DNAAF5: variants seen among roughly 807,000 people sequenced by gnomAD.
DNAAF5 encodes dynein axonemal assembly factor 5.
DNAAF5 carries 64 observed loss-of-function variants against 75.8 expected under a neutral mutation model. The ratio of observed to expected loss-of-function variants is 0.84; its 90% CI spans 0.69 to 1.04. DNAAF5 has a LOEUF of 1.04. Ranked by LOEUF, DNAAF5 falls within the 50% of genes least tolerant of loss-of-function variation. The pLI, the probability that DNAAF5 is intolerant of heterozygous loss-of-function variation, is 0.00. For missense variants in DNAAF5, 1,269 were observed against 1,178.5 expected, an observed-to-expected ratio of 1.08 and a Z score of -1.12; for synonymous variants, 657 against 557.2, an observed-to-expected ratio of 1.18 and a Z score of -2.52.
rs530721854 is a variant in DNAAF5, at chr7:774,327, C to T, written c.2082+129C>T. ...GCACCTCCACCTGGGGCCCGTACCC[C>T]AAGAGGCTCTCCCCACACTGGCGGC... On this transcript the variant is annotated intron_variant, in intron 10 of 12. Coordinates refer to ENST00000297440, the MANE Select transcript of DNAAF5 (RefSeq NM_017802.4). The T allele has an allele frequency of 1.7e-5, 17 of 981,600 alleles. No homozygotes were observed. In the Admixed American group the frequency reaches 3.5e-4, roughly 20 times the overall value. 60.8% of individuals were successfully genotyped at this position (981,600 alleles called of 1,614,324 possible).
intron 4 of DNAAF5, among the ~76,000 whole-genome samples, chr7:744,672 G>A (rs1280780407): frequency 6.6e-6 from 1 of 152,260 alleles, no homozygotes; most frequent in Non-Finnish European, 1.5e-5. Context: ...TGGAGAGGAT[G>A]TGGAGAAATA....
rs901408237 is a variant in DNAAF5 at position 763,497 on chromosome 7, C to T, written c.1615-309C>T. Among the ~76,000 whole-genome samples the T allele has an allele frequency of 4.6e-5, 7 of 152,346 alleles. No homozygotes were observed. The East Asian group carries it at 1.4e-3, about 29-fold the overall frequency. The stretch of plus-strand genomic sequence containing the variant: ...CTCAGAGGAGCCCTGCCTGCCCAGG[C>T]GGACACCACGTCCGTGTAAGCCCCA... On this transcript the variant is annotated intron_variant, in intron 7 of 12. Transcript: ENST00000297440.
intron 2 of DNAAF5, among the ~76,000 whole-genome samples, chr7:740,467 CTT>C (rs1487969573): frequency 6.6e-6 from 1 of 152,222 alleles, no homozygotes; most frequent in Admixed American, 6.5e-5. Context: ...ATGCAGAAGA[CTT>C]TGAACACGCT....
Position 774,201 on chromosome 7 carries a change from A to C in DNAAF5, c.2082+3A>C. Reference sequence around the variant, plus strand: ...GCGAGGTCCTGTCGGCAGAGCAGGTACGGGGCTCCCTGCGTGCTCGGTGGA... The same window carrying C: ...GCGAGGTCCTGTCGGCAGAGCAGGTCCGGGGCTCCCTGCGTGCTCGGTGGA... On this transcript the variant is annotated splice_donor_region_variant and intron_variant, in intron 10 of 12. Coordinates refer to ENST00000297440, the MANE Select transcript of DNAAF5 (RefSeq NM_017802.4). The C allele has an allele frequency of 1.9e-6, 3 of 1,602,990 alleles. No homozygotes were observed. Among genetic ancestry groups the C allele is most frequent in the Non-Finnish European group, 2.5e-6 (3 of 1,177,492 alleles).
rs74468583 is a variant in DNAAF5 at position 773,976 on chromosome 7, A to T, written c.1932-72A>T. 4.4e-4 allele frequency: 691 copies of T among 1,573,324 alleles called. 3 individuals are homozygous for T. The African/African-American group carries it at 8.3e-3, about 19-fold the overall frequency. ...TTTGGCTCCCCCCTCAGCCCCATTC[A>T]TCCCTAGTCTGAAACGTTTCTTCCG... is the stretch of plus-strand genomic sequence containing the variant. On this transcript the variant is annotated intron_variant, in intron 9 of 12. Transcript: ENST00000297440.
Position 780,087 on chromosome 7 carries a change from C to G in DNAAF5, c.2374C>G (p.Arg792Gly), listed in dbSNP as rs1216182303. The G allele has an allele frequency of 1.2e-6, 2 of 1,614,194 alleles. No individual in the cohort carries two copies. The highest frequency in any genetic ancestry group is 1.7e-6 in the Non-Finnish European group (2 of 1,180,014). ...YYQSSVQYLY[R>G]ELLVHLDDPE... ...TCAGAGCAGTGTCCAGTACCTGTAC[C>G]GAGAGTTGCTGGTTCACCTTGACGA... The change falls in exon 12 of 13, where the codon CGA becomes GGA. Residue 792 changes from arginine (R) to glycine (G), a missense_variant. Arg to Gly is a moderately radical substitution (Grantham distance 125, BLOSUM62 -2). Coordinates refer to ENST00000297440, the MANE Select transcript of DNAAF5 (RefSeq NM_017802.4).
chr7:738,366 A>G (rs753985617), intron 2 of DNAAF5, among the ~76,000 whole-genome samples: 1 of 152,018 alleles, frequency 6.6e-6, no homozygotes, highest in Non-Finnish European at 1.5e-5. Flanking sequence ...AGCTATTTTG[A>G]GTTTTCTGTC....
At position 761,783 on chromosome 7, in the gene DNAAF5, G is replaced by A. The variant is rs748486272; in HGVS notation, c.1501G>A (p.Val501Met). Residue 501 changes from valine (V) to methionine (M), a missense_variant, in exon 7 of 13, where the codon GTG becomes ATG. By Grantham distance (21) the Val-to-Met change is conservative. Transcript: ENST00000297440. ...DLYLERLLLC[V>M]QALVSVCHED... is the part of the protein sequence containing the mutation. ...CTACCTGGAGCGCCTGCTGCTGTGT[G>A]TGCAGGCTCTGGTGTCTGTGTGTCA... 3.1e-6 allele frequency: 5 copies of A among 1,609,040 alleles called. No individual in the cohort carries two copies. The highest frequency in any genetic ancestry group is 3.4e-6 in the Non-Finnish European group (4 of 1,177,854).
chr7:726,743 A>C lies in DNAAF5; in HGVS notation c.23A>C (p.Glu8Ala), dbSNP rs1562368980. The C allele has an allele frequency of 4.8e-6, 6 of 1,244,648 alleles. No individual in the cohort carries two copies. The highest frequency in any genetic ancestry group is 6.0e-6 in the Non-Finnish European group (6 of 995,646). The allele number at this position is 1,244,648 out of a possible 1,614,324, so 77.1% of individuals were successfully genotyped here. A position where few individuals can be genotyped will look rare whatever the true frequency, so the allele number is the denominator to read the frequency against. MAALGVAEAVAAPHPAEG... is the reference protein window; with the variant it reads MAALGVAAAVAAPHPAEG... ...AAGATGGCGGCGCTGGGGGTGGCGGAGGCCGTGGCGGCCCCACACCCGGCT... is the reference window on the plus strand; with the variant it reads ...AAGATGGCGGCGCTGGGGGTGGCGGCGGCCGTGGCGGCCCCACACCCGGCT... Residue 8 changes from glutamate (E) to alanine (A), a missense_variant, in exon 1 of 13, where the codon GAG becomes GCG. Coordinates refer to ENST00000297440, the MANE Select transcript of DNAAF5 (RefSeq NM_017802.4).
At chr7:755,840 A>G (rs1355959281) in intron 5 of DNAAF5, among the ~76,000 whole-genome samples, 4 of 152,250 alleles carry the variant, frequency 2.6e-5, no homozygotes, top group Non-Finnish European at 4.4e-5. Flanking sequence ...CGTGAATTTA[A>G]AATTGTCTGT....
intron 8 of DNAAF5, among the ~76,000 whole-genome samples, chr7:768,062 G>T (rs1002680895): frequency 2.7e-5 from 4 of 149,748 alleles, no homozygotes; most frequent in Admixed American, 6.6e-5. Flanking sequence ...ACGTGGTCCG[G>T]GCGGAAGTGT....
chr7:741,069 G>C, intron 3 of DNAAF5, 126 bp downstream of exon 3: 1 of 1,174,266 alleles, frequency 8.5e-7, no homozygotes, highest in Non-Finnish European at 1.2e-6. Flanking sequence ...GCTCCGAAGG[G>C]ATGTGCCGTA....
chr7:751,552 T>C (rs2128077009), intron 4 of DNAAF5, among the ~76,000 whole-genome samples: 1 of 150,090 alleles, frequency 6.7e-6, no homozygotes, highest in South Asian at 2.1e-4. Flanking sequence ...TTCATTTCTA[T>C]CTTTACAGTT....
chr7:754,540 G>C lies in DNAAF5; in HGVS notation c.1025-49G>C, dbSNP rs1782421484. 3 of 1,492,426 alleles carry C rather than the reference G, an allele frequency of 2.0e-6. No individual in the cohort carries two copies. In the Admixed American group the frequency reaches 5.1e-5, roughly 25 times the overall value. 92.4% of individuals were successfully genotyped at this position (1,492,426 alleles called of 1,614,324 possible). On this transcript the variant is annotated intron_variant, in intron 4 of 12. Coordinates refer to ENST00000297440, the MANE Select transcript of DNAAF5 (RefSeq NM_017802.4). This position sits in a 1 kb window ranked among gnomAD's most constrained non-coding sequence, Gnocchi z 4.8. ...GTGATGTGCGGTAACTTGAGTTGTT[G>C]AGGTTTTGCTTGTGAATTTCTCATT...
In DNAAF5 at chr7:774,123, A is replaced by C. The variant is rs374933993; in HGVS notation, c.2007A>C (p.Thr669=). 7 of 1,613,044 alleles carry C rather than the reference A, an allele frequency of 4.3e-6. No homozygotes were observed. The highest frequency in any genetic ancestry group is 1.7e-5 in the Admixed American group (1 of 59,992). ...APNLQWHAGR[T]AAAIRTAAVS... ...ATCTGCAGTGGCATGCGGGGAGGAC[A>C]GCCGCGGCCATCCGCACGGCTGCCG... Residue 669 remains threonine (T), a synonymous_variant, in exon 10 of 13, where the codon ACA becomes ACC. Transcript: ENST00000297440.
chr7:783,906 C>T (rs1010612303), intron 12 of DNAAF5, among the ~76,000 whole-genome samples: 6 of 152,176 alleles, frequency 3.9e-5, no homozygotes, highest in African/African-American at 1.2e-4. Context: ...CCTGCAGCCC[C>T]GGCCCTCTCG....
intron 2 of DNAAF5, among the ~76,000 whole-genome samples, chr7:737,803 C>T (rs751594007): frequency 1.3e-5 from 2 of 152,174 alleles, no homozygotes; most frequent in Non-Finnish European, 2.9e-5. Context: ...CTGCGTTGTA[C>T]GTGATTTGTT....
chr7:778,873 G>A (rs1029779503), intron 11 of DNAAF5, among the ~76,000 whole-genome samples: 1 of 152,220 alleles, frequency 6.6e-6, no homozygotes, highest in Non-Finnish European at 1.5e-5. Flanking sequence ...GCTGTGCAGT[G>A]AGCATACCCG....
chr7:764,737 G>A (rs374782275), intron 8 of DNAAF5, among the ~76,000 whole-genome samples: 1 of 152,114 alleles, frequency 6.6e-6, no homozygotes, highest in African/African-American at 2.4e-5. Flanking sequence ...ACCCAAAATT[G>A]TTCTTTGTCA....
Sources: gnomAD v4.1 joint callset for allele counts (sites outside exome capture counted in the v4.1 genomes callset) on GRCh38, gnomAD v4.1.1 for gene constraint, Gnocchi (gnomAD v3.1) non-coding constraint, MANE v1.5 for transcripts, NCBI Gene and HGNC (gene_info 2026-07-23, HGNC 2026-07-21) for gene names.